Variants in CTLA4 observed in about 807,000 individuals in gnomAD.
CTLA4 encodes the protein cytotoxic T-lymphocyte associated protein 4, also known as cytotoxic T-lymphocyte protein 4.
A neutral mutation model predicts 20.4 loss-of-function variants in CTLA4; 3 were observed. The ratio of observed to expected loss-of-function variants is 0.15; its 90% confidence interval spans 0.07 to 0.38. The LOEUF (loss-of-function observed/expected upper bound fraction) is 0.38. Ranked by LOEUF, CTLA4 falls within the 10% of genes least tolerant of loss-of-function variation. The probability of loss-of-function intolerance (pLI) is 1.00; values close to 1 mark genes in which losing one functional copy is unlikely to be tolerated. For synonymous variants in CTLA4, 100 were observed against 105.2 expected (o/e 0.95, Z 0.30); for missense variants, 184 against 276.8 (o/e 0.66, Z 2.38).
chr2:203,867,903 C>A lies in CTLA4; in HGVS notation c.-40C>A. 1 of 1,478,524 alleles carries A rather than the reference C, an allele frequency of 6.8e-7. No individual in the cohort carries two copies. Among genetic ancestry groups the A allele is most frequent in the Non-Finnish European group, 9.4e-7 (1 of 1,058,742 alleles). 91.6% of individuals were successfully genotyped at this position (1,478,524 alleles called of 1,614,324 possible). On this transcript the variant is annotated 5_prime_UTR_variant, in exon 1 of 4. Coordinates refer to ENST00000648405, the MANE Select transcript of CTLA4 (RefSeq NM_005214.5). ...AGCTTCAGGATCCTGAAAGGTTTTGCTCTACTTCCTGAAGACCTGAACACC... is the reference window on the plus strand; with the variant it reads ...AGCTTCAGGATCCTGAAAGGTTTTGATCTACTTCCTGAAGACCTGAACACC...
rs140298725 is a variant in CTLA4, at chr2:203,870,482, G to T, written c.110-104G>T. ...TAAGTGATAGATTCGTTGAAGGGGG[G>T]AGAAAAGGCCGTGGGGATGAAGCTA... On this transcript the variant is annotated intron_variant, in intron 1 of 3. Transcript: ENST00000648405. The surrounding 1 kb of genome is among the most constrained non-coding windows in gnomAD (Gnocchi z 5.3). The T allele has an allele frequency of 8.1e-7, 1 of 1,237,226 alleles. No individual in the cohort carries two copies. Among genetic ancestry groups the T allele is most frequent in the African/African-American group, 1.5e-5 (1 of 65,540 alleles). The allele number at this position is 1,237,226 out of a possible 1,614,324, so 76.6% of individuals were successfully genotyped here. A position where few individuals can be genotyped will look rare whatever the true frequency, so the allele number is the denominator to read the frequency against.
At chr2:203,868,077 G>C in intron 1 of CTLA4, 26 bp downstream of exon 1, 2 of 1,527,646 alleles carry the variant, frequency 1.3e-6, no homozygotes, top group Non-Finnish European at 1.8e-6. Context: ...GGAGCATGAA[G>C]ATGGAGGAGG....
At position 203,870,739 on chromosome 2, in the gene CTLA4, C is replaced by T; in HGVS notation, c.263C>T (p.Thr88Ile). 6.2e-7 allele frequency: 1 copy of T among 1,614,170 alleles called. No homozygotes were observed. Among genetic ancestry groups the T allele is most frequent in the East Asian group, 2.2e-5 (1 of 44,880 alleles). ...DSQVTEVCAA[T>I]YMMGNELTFL... ...CAGGTGACTGAAGTCTGTGCGGCAACCTACATGATGGGGAATGAGTTGACC... is the reference window on the plus strand; with the variant it reads ...CAGGTGACTGAAGTCTGTGCGGCAATCTACATGATGGGGAATGAGTTGACC... Residue 88 changes from threonine to isoleucine, a missense_variant, in exon 2 of 4, where the codon ACC becomes ATC. Physicochemically the swap from Thr to Ile is moderately conservative, Grantham distance 89 (BLOSUM62 -1). Transcript: ENST00000648405. This position sits in a 1 kb window ranked among gnomAD's most constrained non-coding sequence, Gnocchi z 5.3.
chr2:203,872,791 T>C lies in CTLA4; in HGVS notation c.651T>C (p.Pro217=). 1 of 1,608,782 alleles carries C rather than the reference T, an allele frequency of 6.2e-7. No homozygotes were observed. Among genetic ancestry groups the C allele is most frequent in the East Asian group, 2.2e-5 (1 of 44,846 alleles). ...TEPECEKQFQ[P]YFIPIN ...CAGAATGTGAAAAGCAATTTCAGCC[T>C]TATTTTATTCCCATCAATTGAGAAA... The change falls in exon 4 of 4, where the codon CCT becomes CCC. Residue 217 remains proline, a synonymous_variant. Coordinates refer to ENST00000648405, the MANE Select transcript of CTLA4 (RefSeq NM_005214.5).
rs1419766741 is a variant in CTLA4 at position 203,873,073 on chromosome 2, C to T, written c.*261C>T. 5.3e-6 allele frequency: 3 copies of T among 568,216 alleles called. No individual in the cohort carries two copies. Among genetic ancestry groups the T allele is most frequent in the African/African-American group, 1.9e-5 (1 of 53,624 alleles). The allele number at this position is 568,216 out of a possible 1,614,324, so 35.2% of individuals were successfully genotyped here. On this transcript the variant is annotated 3_prime_UTR_variant, in exon 4 of 4. Coordinates refer to ENST00000648405, the MANE Select transcript of CTLA4 (RefSeq NM_005214.5). ...ACTTGGGATTAATATGGGGATGCAG[C>T]ATTATGATGTGGGTCAAGGAATTAA...
Position 203,873,584 on chromosome 2 carries a change from G to A in CTLA4, c.*772G>A, listed in dbSNP as rs1292119213. ...GGAAACTGGATGAGGTCATAGCAGTGCTTGATTGCGTGGAATTGTGCTGAG... is the reference window on the plus strand; with the variant it reads ...GGAAACTGGATGAGGTCATAGCAGTACTTGATTGCGTGGAATTGTGCTGAG... On this transcript the variant is annotated 3_prime_UTR_variant, in exon 4 of 4. Transcript: ENST00000648405. The A allele has an allele frequency of 4.6e-6, 1 of 216,766 alleles. No homozygotes were observed. The highest frequency in any genetic ancestry group is 2.3e-5 in the African/African-American group (1 of 44,146). The allele number at this position is 216,766 out of a possible 1,614,324, so 13.4% of individuals were successfully genotyped here.
Position 203,868,656 on chromosome 2 carries a change from C to CA in CTLA4, c.109+615dup, listed in dbSNP as rs149392730. 2.8e-3 allele frequency among the ~76,000 whole-genome samples: 403 copies of CA among 142,616 alleles called. 4 individuals are homozygous for CA. Among genetic ancestry groups the CA allele is most frequent in the East Asian group, 0.02 (98 of 4,948 alleles). 93.6% of individuals were successfully genotyped at this position (142,616 alleles called of 152,430 possible). On this transcript the variant is annotated intron_variant, in intron 1 of 3. Coordinates refer to ENST00000648405, the MANE Select transcript of CTLA4 (RefSeq NM_005214.5). ...TTTAAAAATAAAAGTTTGAAATTGC[C>CA]AAAAAAAAAAGACAAGGAAAAGGAA... is the stretch of plus-strand genomic sequence containing the variant.
At position 203,870,719 on chromosome 2, in the gene CTLA4, G is replaced by T; in HGVS notation, c.243G>T (p.Val81=). The part of the protein sequence containing the change: ...VTVLRQADSQ[V]TEVCAATYMM... ...TGCTTCGGCAGGCTGACAGCCAGGTGACTGAAGTCTGTGCGGCAACCTACA... is the reference window on the plus strand; with the variant it reads ...TGCTTCGGCAGGCTGACAGCCAGGTTACTGAAGTCTGTGCGGCAACCTACA... Residue 81 remains valine (V), a synonymous_variant, in exon 2 of 4, where the codon GTG becomes GTT. Coordinates refer to ENST00000648405, the MANE Select transcript of CTLA4 (RefSeq NM_005214.5). This position sits in a 1 kb window ranked among gnomAD's most constrained non-coding sequence, Gnocchi z 5.3. 1 of 1,614,214 alleles carries T rather than the reference G, an allele frequency of 6.2e-7. No individual in the cohort carries two copies. Among genetic ancestry groups the T allele is most frequent in the Non-Finnish European group, 8.5e-7 (1 of 1,180,030 alleles).
Position 203,870,700 on chromosome 2 carries a change from G to A in CTLA4, c.224G>A (p.Arg75Gln), listed in dbSNP as rs1196646336. Residue 75 changes from arginine (R) to glutamine (Q), a missense_variant, in exon 2 of 4, where the codon CGG (arginine) becomes CAG (glutamine). By Grantham distance (43) the Arg-to-Gln change is conservative (BLOSUM62 1). Coordinates refer to ENST00000648405, the MANE Select transcript of CTLA4 (RefSeq NM_005214.5). The surrounding 1 kb of genome is among the most constrained non-coding windows in gnomAD (Gnocchi z 5.3). ...KATEVRVTVL[R>Q]QADSQVTEVC... is the part of the protein sequence containing the mutation. ...ACTGAGGTCCGGGTGACAGTGCTTC[G>A]GCAGGCTGACAGCCAGGTGACTGAA... is the stretch of plus-strand genomic sequence containing the variant. The A allele has an allele frequency of 8.7e-6, 14 of 1,614,190 alleles. No individual in the cohort carries two copies. Among genetic ancestry groups the A allele is most frequent in the Non-Finnish European group, 1.1e-5 (13 of 1,180,032 alleles).
Position 203,870,975 on chromosome 2 carries a change from C to T in CTLA4, c.457+42C>T, listed in dbSNP as rs1237895044. On this transcript the variant is annotated intron_variant, in intron 2 of 3. Coordinates refer to ENST00000648405, the MANE Select transcript of CTLA4 (RefSeq NM_005214.5). This position sits in a 1 kb window ranked among gnomAD's most constrained non-coding sequence, Gnocchi z 5.3. ...CACTGAGTTGACACCTGTTGCATTG[C>T]AGTCTTCTATGCACAAAAACAGTTT... 5.4e-6 allele frequency: 8 copies of T among 1,488,572 alleles called. No individual in the cohort carries two copies. In the South Asian group the frequency reaches 8.2e-5, roughly 15 times the overall value. 92.2% of individuals were successfully genotyped at this position (1,488,572 alleles called of 1,614,324 possible).
rs1048974938 is a variant in CTLA4, at chr2:203,867,849, G to T, written c.-94G>T. On this transcript the variant is annotated 5_prime_UTR_variant, in exon 1 of 4. Coordinates refer to ENST00000648405, the MANE Select transcript of CTLA4 (RefSeq NM_005214.5). ...TCAAAGCTATCTATATAAAGTCCTT[G>T]ATTCTGTGTGGGTTCAAACACATTT... The T allele has an allele frequency of 3.6e-6, 3 of 829,448 alleles. No individual in the cohort carries two copies. The highest frequency in any genetic ancestry group is 1.6e-5 in the South Asian group (1 of 63,144). 51.4% of individuals were successfully genotyped at this position (829,448 alleles called of 1,614,324 possible).
rs761227535 is a variant in CTLA4 at position 203,871,477 on chromosome 2, T to C, written c.557T>C (p.Leu186Ser). The change falls in exon 3 of 4, where the codon TTG becomes TCG. Residue 186 changes from leucine (L) to serine (S), a missense_variant. By Grantham distance (145) the Leu-to-Ser change is moderately radical. Coordinates refer to ENST00000648405, the MANE Select transcript of CTLA4 (RefSeq NM_005214.5). ...FYSFLLTAVS[L>S]SKMLKKRSPL... ...AGCTTTCTCCTCACAGCTGTTTCTT[T>C]GAGCAAAATGGTGAGTGTGGTGCTG... 1.2e-6 allele frequency: 2 copies of C among 1,612,898 alleles called. No individual in the cohort carries two copies. The highest frequency in any genetic ancestry group is 1.7e-6 in the Non-Finnish European group (2 of 1,178,900).
At position 203,870,313 on chromosome 2, in the gene CTLA4, G is replaced by A; in HGVS notation, c.110-273G>A. On this transcript the variant is annotated intron_variant, in intron 1 of 3. Transcript: ENST00000648405. The surrounding 1 kb of genome is among the most constrained non-coding windows in gnomAD (Gnocchi z 5.3). ...ATCACATATTTCATGGTAGAGCCAG[G>A]TCTTCTGTTTGTCATATCAGTGTTC... is the stretch of plus-strand genomic sequence containing the variant. The A allele has an allele frequency of 4.1e-6, 2 of 492,196 alleles. No individual in the cohort carries two copies. The highest frequency in any genetic ancestry group is 6.9e-5 in the East Asian group (2 of 28,804). The allele number at this position is 492,196 out of a possible 1,614,324, so 30.5% of individuals were successfully genotyped here.
Position 203,870,018 on chromosome 2 carries a change from C to A in CTLA4, c.110-568C>A, listed in dbSNP as rs1581573172. On this transcript the variant is annotated intron_variant, in intron 1 of 3. Coordinates refer to ENST00000648405, the MANE Select transcript of CTLA4 (RefSeq NM_005214.5). The surrounding 1 kb of genome is among the most constrained non-coding windows in gnomAD (Gnocchi z 5.3). The stretch of plus-strand genomic sequence containing the variant: ...AGGGAAGGCGGAGGCTGGTACAGTG[C>A]ATCAAGACACAGCTACTCCTGGGTG... Among the ~76,000 whole-genome samples, 2 of 152,268 alleles carry A rather than the reference C, an allele frequency of 1.3e-5. No homozygotes were observed. Among genetic ancestry groups the A allele is most frequent in the Middle Eastern group, 3.4e-3 (1 of 294 alleles).
At chr2:203,868,278 G>T (rs927303582) in intron 1 of CTLA4, among the ~76,000 whole-genome samples, 2 of 152,190 alleles carry the variant, frequency 1.3e-5, no homozygotes, top group Non-Finnish European at 2.9e-5. Context: ...TTTAGTAGGG[G>T]CTTCATGAAT....
chr2:203,872,478 A>G (rs928533718), intron 3 of CTLA4, among the ~76,000 whole-genome samples: 7 of 152,290 alleles, frequency 4.6e-5, no homozygotes, highest in South Asian at 2.1e-4. Context: ...TCTTTCTCCT[A>G]TCTTCCATTC....
At chr2:203,871,312 G>A (rs762968181) in intron 2 of CTLA4, 66 bp from the exon 3 acceptor site, 1 of 1,384,866 alleles carries the variant, frequency 7.2e-7, no homozygotes, top group Non-Finnish European at 1.0e-6. Context: ...TTTCACCAAT[G>A]TTGGGGAGTA....
chr2:203,869,218 A>G (rs1293570461), intron 1 of CTLA4, among the ~76,000 whole-genome samples: 1 of 152,226 alleles, frequency 6.6e-6, no homozygotes, highest in African/African-American at 2.4e-5. Context: ...ACAGGAGTTC[A>G]TGAACCACAA....
Position 203,870,548 on chromosome 2 carries a change from A to G in CTLA4, c.110-38A>G, listed in dbSNP as rs1688710746. 1 of 1,598,622 alleles carries G rather than the reference A, an allele frequency of 6.3e-7. No homozygotes were observed. ...TGCCTGGGCTTGGCCATGAAGGAGC[A>G]TGAGTTCACTGAGTTCCCTTTGGCT... On this transcript the variant is annotated intron_variant, in intron 1 of 3. Transcript: ENST00000648405. This position sits in a 1 kb window ranked among gnomAD's most constrained non-coding sequence, Gnocchi z 5.3.
Sources: allele counts gnomAD v4.1 joint callset (sites outside exome capture counted in the v4.1 genomes callset), GRCh38; gene constraint gnomAD v4.1.1; non-coding constraint Gnocchi (gnomAD v3.1); transcripts MANE v1.5; gene names NCBI Gene and HGNC (gene_info 2026-07-23, HGNC 2026-07-21).